The following HECW2 variants were observed in gnomAD, a reference collection of about 807,000 sequenced individuals.
The protein encoded by HECW2 is HECT, C2 and WW domain containing E3 ubiquitin protein ligase 2.
Under a neutral mutation model 175.2 loss-of-function variants are expected in HECW2, and 61 were observed. The ratio of observed to expected loss-of-function variants is 0.35; its 90% CI spans 0.28 to 0.43. HECW2 has a LOEUF of 0.43. Ranked by LOEUF, HECW2 falls within the 20% of genes least tolerant of loss-of-function variation. The pLI is 1.00. For synonymous variants in HECW2, 671 were observed against 731.0 expected (o/e 0.92, Z 1.32); for missense variants, 1,524 against 2,000.5 (o/e 0.76, Z 4.54).
chr2:196,465,275 G>A (rs1696906669), intron 1 of HECW2, among the ~76,000 whole-genome samples: 1 of 152,108 alleles, frequency 6.6e-6, no homozygotes, highest in African/African-American at 2.4e-5. Flanking sequence ...AGAACTTCAA[G>A]TTATAAAATA....
intron 1 of HECW2, among the ~76,000 whole-genome samples, chr2:196,506,960 A>G (rs1687780666): frequency 6.6e-6 from 1 of 152,200 alleles, no homozygotes; most frequent in Non-Finnish European, 1.5e-5. Flanking sequence ...TTAAAGAACA[A>G]TGCATATATA....
intron 1 of HECW2, among the ~76,000 whole-genome samples, chr2:196,444,460 C>T (rs1696127227): frequency 6.6e-6 from 1 of 152,180 alleles, no homozygotes. Flanking sequence ...CCATAGAGTA[C>T]ATTTTTAACC....
chr2:196,468,804 G>T (rs1401651958), intron 1 of HECW2, among the ~76,000 whole-genome samples: 1 of 152,184 alleles, frequency 6.6e-6, no homozygotes, highest in Non-Finnish European at 1.5e-5. Context: ...AGGGAAGGAT[G>T]ATATACATAT....
chr2:196,487,622 C>G (rs1024763834), intron 1 of HECW2, among the ~76,000 whole-genome samples: 2 of 152,158 alleles, frequency 1.3e-5, no homozygotes, highest in African/African-American at 4.8e-5. Context: ...CATTACATCC[C>G]ACACCGAGCA....
chr2:196,392,483 A>G (rs998469567), intron 2 of HECW2, among the ~76,000 whole-genome samples: 5 of 147,396 alleles, frequency 3.4e-5, no homozygotes, highest in East Asian at 3.9e-4. Flanking sequence ...ACATTAAAAA[A>G]TTTTTGTTAA....
intron 26 of HECW2, 26 bp from the exon 27 acceptor site, chr2:196,217,119 T>C (rs1869793): frequency 0.046 from 72,330 of 1,569,096 alleles, 2,191 homozygotes; most frequent in African/African-American, 0.14. Flanking sequence ...TAAAAGCCCA[T>C]GTTACTTTGA....
chr2:196,441,780 GAAA>G (rs1207272520), intron 1 of HECW2, among the ~76,000 whole-genome samples: 1 of 152,142 alleles, frequency 6.6e-6, no homozygotes, highest in Non-Finnish European at 1.5e-5. Context: ...AAATGATTAG[GAAA>G]ACCAGAAAAT....
At chr2:196,218,658 C>T (rs981024271) in intron 26 of HECW2, among the ~76,000 whole-genome samples, 1 of 151,418 alleles carries the variant, frequency 6.6e-6, no homozygotes, top group East Asian at 1.9e-4. Context: ...ACTAAAAATA[C>T]AAAAATTAGC....
chr2:196,308,680 C>T (rs1470774897), intron 10 of HECW2, among the ~76,000 whole-genome samples: 1 of 152,220 alleles, frequency 6.6e-6, no homozygotes, highest in Non-Finnish European at 1.5e-5. Context: ...TTTCTTGCTT[C>T]CCAACCTCAA....
chr2:196,527,086 G>A (rs1045967909), intron 1 of HECW2, among the ~76,000 whole-genome samples: 11 of 152,264 alleles, frequency 7.2e-5, no homozygotes, highest in African/African-American at 2.6e-4. Context: ...CCTTGCTGCC[G>A]CCTTGCAGTT....
At chr2:196,580,148 T>C (rs1690717971) in intron 1 of HECW2, among the ~76,000 whole-genome samples, 1 of 152,116 alleles carries the variant, frequency 6.6e-6, no homozygotes, top group Non-Finnish European at 1.5e-5. Flanking sequence ...ATTATAAACA[T>C]ATATGCACTT....
At chr2:196,365,544 G>A (rs776710043) in intron 2 of HECW2, among the ~76,000 whole-genome samples, 2 of 152,094 alleles carry the variant, frequency 1.3e-5, no homozygotes, top group African/African-American at 2.4e-5. Context: ...TTGTCCCGTT[G>A]TCACTCTGTT....
At chr2:196,442,320 T>A (rs1696066242) in intron 1 of HECW2, among the ~76,000 whole-genome samples, 1 of 152,140 alleles carries the variant, frequency 6.6e-6, no homozygotes, top group African/African-American at 2.4e-5. Flanking sequence ...AACATCAACA[T>A]TGAAAAGCAG....
At chr2:196,510,692 TA>T (rs1339941278) in intron 1 of HECW2, among the ~76,000 whole-genome samples, 2 of 152,226 alleles carry the variant, frequency 1.3e-5, no homozygotes, top group African/African-American at 2.4e-5. Flanking sequence ...TGGGAATTGT[TA>T]TTTTTTTTTA....
chr2:196,382,400 T>G (rs559995875), intron 2 of HECW2, among the ~76,000 whole-genome samples: 3 of 152,044 alleles, frequency 2.0e-5, no homozygotes, highest in African/African-American at 7.2e-5. Flanking sequence ...CTTCTTTGCA[T>G]TTAGAAAGTT....
At chr2:196,287,393 T>C (rs1434887272) in intron 14 of HECW2, among the ~76,000 whole-genome samples, 2 of 152,190 alleles carry the variant, frequency 1.3e-5, no homozygotes, top group African/African-American at 2.4e-5. Flanking sequence ...TTATGATATG[T>C]CACTTATAAA....
chr2:196,209,842 C>A (rs1163606545), intron 28 of HECW2, among the ~76,000 whole-genome samples: 1 of 151,428 alleles, frequency 6.6e-6, no homozygotes, highest in African/African-American at 2.4e-5. Flanking sequence ...CGGCTCACTG[C>A]AAGCTCCGCC....
chr2:196,563,004 T>C (rs2125501948), intron 1 of HECW2, among the ~76,000 whole-genome samples: 1 of 152,208 alleles, frequency 6.6e-6, no homozygotes, highest in African/African-American at 2.4e-5. Context: ...GAACGCACAA[T>C]GTACTCCAGC....
At position 196,307,246 on chromosome 2, in the gene HECW2, G is replaced by A. The variant is rs372032863; in HGVS notation, c.2586-13C>T. 12 of 1,562,444 alleles carry A rather than the reference G, an allele frequency of 7.7e-6. No homozygotes were observed. In the African/African-American group the frequency reaches 1.6e-4, roughly 21 times the overall value. On this transcript the variant is annotated splice_polypyrimidine_tract_variant and intron_variant, in intron 11 of 28. Transcript: ENST00000644978. ...GATACTCTGATATCTAAAATCATGAGCCTAGAGTTACATTCCAGCAGCATT... is the reference window on the plus strand; with the variant it reads ...GATACTCTGATATCTAAAATCATGAACCTAGAGTTACATTCCAGCAGCATT...
Sources: allele counts gnomAD v4.1 joint callset (sites outside exome capture counted in the v4.1 genomes callset), GRCh38; gene constraint gnomAD v4.1.1; transcripts MANE v1.5; gene names NCBI Gene and HGNC (gene_info 2026-07-23, HGNC 2026-07-21).